Variants in IDE observed in about 807,000 individuals in gnomAD.
IDE encodes the protein insulin-degrading enzyme.
A neutral mutation model predicts 133.2 loss-of-function variants in IDE; 58 were observed. The ratio of observed to expected loss-of-function variants is 0.44; its 90% CI spans 0.35 to 0.54. The LOEUF (loss-of-function observed/expected upper bound fraction) is 0.54. Ranked by LOEUF, IDE falls within the 20% of genes least tolerant of loss-of-function variation. The probability of loss-of-function intolerance (pLI) is 0.00; values close to 1 mark genes in which losing one functional copy is unlikely to be tolerated. For missense variants in IDE, 981 were observed against 1,234.0 expected, an observed-to-expected ratio of 0.79 and a Z score of 3.07; for synonymous variants, 396 against 421.3, an observed-to-expected ratio of 0.94 and a Z score of 0.73.
rs552173525 is a variant in IDE, at chr10:92,488,764, G to T, written c.1534-1446C>A. Among the ~76,000 whole-genome samples the T allele has an allele frequency of 8.1e-5, 12 of 147,886 alleles. No homozygotes were observed. In the South Asian group the frequency reaches 2.5e-3, roughly 31 times the overall value. ...TGCACTCCAGCCCAGGCAACAGTAC[G>T]AGACTCTGTCTAAAAAAAAAAAAAG... On this transcript the variant is annotated intron_variant, in intron 12 of 24. Coordinates refer to ENST00000265986, the MANE Select transcript of IDE (RefSeq NM_004969.4).
chr10:92,511,865 C>T lies in IDE; in HGVS notation c.785-1703G>A, dbSNP rs1848648814. Among the ~76,000 whole-genome samples the T allele has an allele frequency of 2.0e-5, 3 of 152,226 alleles. No individual in the cohort carries two copies. The South Asian group carries it at 6.2e-4, about 32-fold the overall frequency. ...GACATATGACTTGAAACAAGGTGAG[C>T]AGTCAATAAAGGTTTGTGGGCCTGC... is the stretch of plus-strand genomic sequence containing the variant. On this transcript the variant is annotated intron_variant, in intron 5 of 24. Transcript: ENST00000265986.
intron 1 of IDE, among the ~76,000 whole-genome samples, chr10:92,542,418 G>A (rs906092402): frequency 2.0e-5 from 3 of 152,236 alleles, no homozygotes; most frequent in Admixed American, 6.5e-5. Flanking sequence ...GCCTCCCAAA[G>A]TTCTGGGACT....
At chr10:92,560,879 A>T (rs899174061) in intron 1 of IDE, among the ~76,000 whole-genome samples, 3 of 152,102 alleles carry the variant, frequency 2.0e-5, no homozygotes, top group Non-Finnish European at 4.4e-5. Flanking sequence ...CTAGAAGCAA[A>T]GCTAACATGC....
intron 14 of IDE, chr10:92,479,662 AGT>A: frequency 2.7e-6 from 1 of 376,400 alleles, no homozygotes. Flanking sequence ...CACTGGTAGT[AGT>A]GAAGAAGGAG....
At chr10:92,488,932 T>TTAAA (rs374260654) in intron 12 of IDE, among the ~76,000 whole-genome samples, 1 of 78,970 alleles carries the variant, frequency 1.3e-5, no homozygotes, top group Non-Finnish European at 2.2e-5. Context: ...TTTCATTATT[T>TTAAA]AAAAAAAAAA....
chr10:92,498,205 A>G lies in IDE; in HGVS notation c.1430+6589T>C, dbSNP rs550424690. Among the ~76,000 whole-genome samples, 3 of 152,338 alleles carry G rather than the reference A, an allele frequency of 2.0e-5. No homozygotes were observed. The South Asian group carries it at 6.2e-4, about 32-fold the overall frequency. On this transcript the variant is annotated intron_variant, in intron 11 of 24. Coordinates refer to ENST00000265986, the MANE Select transcript of IDE (RefSeq NM_004969.4). The stretch of plus-strand genomic sequence containing the variant: ...ACAAGTCCCCCTTTCAGGACTGTCA[A>G]CTCTGAGGTTTCACGTAAGTGATTC...
chr10:92,528,172 T>C (rs749163951), intron 4 of IDE, among the ~76,000 whole-genome samples: 1 of 152,246 alleles, frequency 6.6e-6, no homozygotes, highest in Non-Finnish European at 1.5e-5. Flanking sequence ...TGATTTATTG[T>C]AATGATTAAT....
intron 1 of IDE, among the ~76,000 whole-genome samples, chr10:92,561,716 C>A (rs566244744): frequency 6.6e-6 from 1 of 150,698 alleles, no homozygotes; most frequent in South Asian, 2.1e-4. Flanking sequence ...GAGCGGAGAT[C>A]GCGCCACTGC....
At chr10:92,478,486 G>C (rs1589390491) in intron 15 of IDE, among the ~76,000 whole-genome samples, 1 of 152,170 alleles carries the variant, frequency 6.6e-6, no homozygotes, top group East Asian at 1.9e-4. Context: ...TCATTCATTA[G>C]TGGAACTAAC....
chr10:92,480,757 A>C (rs1200377063), intron 14 of IDE: 1 of 154,548 alleles, frequency 6.5e-6, no homozygotes, highest in East Asian at 1.9e-4. Flanking sequence ...TAACAAAGTC[A>C]ACATTTTGTT....
intron 14 of IDE, among the ~76,000 whole-genome samples, chr10:92,481,849 G>GA (rs1320692189): frequency 2.0e-5 from 3 of 152,180 alleles, no homozygotes; most frequent in African/African-American, 7.2e-5. Context: ...CTCTCAAAGG[G>GA]TAGTCTAAAG....
intron 1 of IDE, among the ~76,000 whole-genome samples, chr10:92,551,093 A>G (rs1212530162): frequency 2.6e-5 from 4 of 152,236 alleles, no homozygotes; most frequent in Admixed American, 1.3e-4. Context: ...ACTCAAACAG[A>G]TATTTGTACA....
chr10:92,527,886 C>A lies in IDE; in HGVS notation c.661+3862G>T, dbSNP rs556898523. ...AAAAAATTAGCTGGGCGTGGTGGCA[C>A]GTGCCTGTAATCCCAACTACTTGGG... On this transcript the variant is annotated intron_variant, in intron 4 of 24. Coordinates refer to ENST00000265986, the MANE Select transcript of IDE (RefSeq NM_004969.4). Among the ~76,000 whole-genome samples the A allele has an allele frequency of 2.0e-5, 3 of 152,046 alleles. No individual in the cohort carries two copies. In the East Asian group the frequency reaches 5.8e-4, roughly 29 times the overall value.
intron 14 of IDE, among the ~76,000 whole-genome samples, chr10:92,481,641 C>T (rs1373745493): frequency 6.6e-6 from 1 of 152,160 alleles, no homozygotes; most frequent in Admixed American, 6.6e-5. Flanking sequence ...GCTAACTACA[C>T]ATAATATAAT....
chr10:92,486,569 T>C (rs1022419587), intron 13 of IDE, among the ~76,000 whole-genome samples: 2 of 152,114 alleles, frequency 1.3e-5, no homozygotes, highest in African/African-American at 4.8e-5. Flanking sequence ...GAAATACGTT[T>C]AGAAGGGAGA....
At chr10:92,538,670 T>C (rs1018248733) in intron 1 of IDE, among the ~76,000 whole-genome samples, 1 of 152,106 alleles carries the variant, frequency 6.6e-6, no homozygotes, top group Non-Finnish European at 1.5e-5. Context: ...TGTAGGGATG[T>C]TGGTTGCAAT....
At chr10:92,482,224 T>C (rs983601400) in intron 14 of IDE, among the ~76,000 whole-genome samples, 4 of 152,166 alleles carry the variant, frequency 2.6e-5, no homozygotes, top group Admixed American at 6.5e-5. Context: ...ATATTGAACA[T>C]TACTGAACAA....
At chr10:92,495,365 C>T (rs1283382317) in intron 11 of IDE, among the ~76,000 whole-genome samples, 1 of 151,930 alleles carries the variant, frequency 6.6e-6, no homozygotes, top group Non-Finnish European at 1.5e-5. Context: ...GGACTACAGG[C>T]ACACGCCACC....
At chr10:92,519,009 C>T (rs1178171978) in intron 4 of IDE, among the ~76,000 whole-genome samples, 1 of 152,054 alleles carries the variant, frequency 6.6e-6, no homozygotes, top group African/African-American at 2.4e-5. Flanking sequence ...TGTGTACCTA[C>T]CTCTTTGTAT....
Sources: gnomAD v4.1 joint callset for allele counts (sites outside exome capture counted in the v4.1 genomes callset) on GRCh38, gnomAD v4.1.1 for gene constraint, MANE v1.5 for transcripts, NCBI Gene and HGNC (gene_info 2026-07-23, HGNC 2026-07-21) for gene names.